The following POLR1E variants were observed in gnomAD, a reference collection of about 807,000 sequenced individuals.
POLR1E encodes DNA-directed RNA polymerase I subunit RPA49.
Under a neutral mutation model 50.9 loss-of-function variants are expected in POLR1E, and 37 were observed. The observed-to-expected ratio is 0.73, with a 90% CI of 0.56 to 0.96. The LOEUF is 0.96. POLR1E is among the 40% of genes least tolerant of loss of function. POLR1E has a pLI of 0.00. For synonymous variants in POLR1E, 166 were observed against 191.6 expected (o/e 0.87, Z 1.10); for missense variants, 426 against 518.1 (o/e 0.82, Z 1.73).
intron 8 of POLR1E, among the ~76,000 whole-genome samples, chr9:37,496,784 CCTT>C (rs1414617359): frequency 6.6e-6 from 1 of 152,016 alleles, no homozygotes; most frequent in Non-Finnish European, 1.5e-5. Context: ...CCTTATCTTC[CCTT>C]CTTGAAGCCT....
In POLR1E at chr9:37,485,999, T is replaced by G; in HGVS notation, c.-49T>G. ...GCTCCCGCGTGTTTAAAAGTGCGCT[T>G]GTGGCTGCTGCTGTCTTAACTCCTG... On this transcript the variant is annotated 5_prime_UTR_variant, in exon 1 of 12. Coordinates refer to ENST00000377798, the MANE Select transcript of POLR1E (RefSeq NM_022490.4). 2 of 1,572,240 alleles carry G rather than the reference T, an allele frequency of 1.3e-6. No individual in the cohort carries two copies. Among genetic ancestry groups the G allele is most frequent in the Non-Finnish European group, 1.7e-6 (2 of 1,159,688 alleles).
chr9:37,496,358 A>G (rs537883185), intron 8 of POLR1E, among the ~76,000 whole-genome samples: 1 of 152,290 alleles, frequency 6.6e-6, no homozygotes, highest in East Asian at 1.9e-4. Flanking sequence ...CTGTGATGAT[A>G]TGGTAGGCAA....
At chr9:37,486,548 G>C (rs184493927) in intron 1 of POLR1E, 155 bp from the exon 2 acceptor site, 3 of 1,585,170 alleles carry the variant, frequency 1.9e-6, no homozygotes, top group Non-Finnish European at 2.6e-6. Context: ...AGCTGGCCCC[G>C]GATCTCCTCC....
At chr9:37,492,210 A>T (rs1353782266) in intron 4 of POLR1E, 2 of 1,262,888 alleles carry the variant, frequency 1.6e-6, no homozygotes, top group Non-Finnish European at 2.1e-6. Context: ...TACTGCCCTT[A>T]TTTGAGTACT....
intron 7 of POLR1E, 44 bp downstream of exon 7, chr9:37,495,320 A>G: frequency 6.7e-7 from 1 of 1,491,796 alleles, no homozygotes. Context: ...TCACAAGTTG[A>G]GATGTTTGCA....
chr9:37,487,927 A>G lies in POLR1E; in HGVS notation c.245A>G (p.Asn82Ser), dbSNP rs1196674479. ...TTTGGGACTGGAGCCCTCAAATGCAACACTTTGTGCAGGTAATGGCAGGGG... is the reference window on the plus strand; with the variant it reads ...TTTGGGACTGGAGCCCTCAAATGCAGCACTTTGTGCAGGTAATGGCAGGGG... The part of the protein sequence containing the change: ...NNFGTGALKC[N>S]TLCRHFVGIL... Residue 82 changes from asparagine (N) to serine (S), a missense_variant, in exon 3 of 12, where the codon AAC becomes AGC. By Grantham distance (46) the Asn-to-Ser change is conservative. Coordinates refer to ENST00000377798, the MANE Select transcript of POLR1E (RefSeq NM_022490.4). The G allele has an allele frequency of 1.9e-6, 3 of 1,614,000 alleles. No homozygotes were observed. In the African/African-American group the frequency reaches 4.0e-5, roughly 22 times the overall value.
In POLR1E at chr9:37,496,065, T is replaced by C. The variant is rs1248105358; in HGVS notation, c.752+79T>C. 3 of 1,014,982 alleles carry C rather than the reference T, an allele frequency of 3.0e-6. No homozygotes were observed. In the East Asian group the frequency reaches 7.3e-5, roughly 25 times the overall value. The allele number at this position is 1,014,982 out of a possible 1,614,324, so 62.9% of individuals were successfully genotyped here. ...GTAGTCAGACACTGTGCAGGTCCTC[T>C]GGGCGTCAGTCAGTGAGGAAGTGTG... On this transcript the variant is annotated intron_variant, in intron 8 of 11. Coordinates refer to ENST00000377798, the MANE Select transcript of POLR1E (RefSeq NM_022490.4).
intron 6 of POLR1E, 70 bp from the exon 7 acceptor site, chr9:37,495,099 C>G: frequency 7.5e-7 from 1 of 1,325,668 alleles, no homozygotes; most frequent in Admixed American, 1.7e-5. Flanking sequence ...CTGAAGTGCA[C>G]AGACTGAAAA....
At chr9:37,488,271 A>G (rs895812319) in intron 3 of POLR1E, among the ~76,000 whole-genome samples, 2 of 152,202 alleles carry the variant, frequency 1.3e-5, no homozygotes, top group Non-Finnish European at 2.9e-5. Context: ...GGAACTAACG[A>G]CAGGTAAAGA....
At chr9:37,492,317 A>G in intron 4 of POLR1E, 1 of 1,304,260 alleles carries the variant, frequency 7.7e-7, no homozygotes, top group Non-Finnish European at 1.0e-6. Flanking sequence ...TTTTCTGGAA[A>G]GAGCCAAGGA....
At chr9:37,496,633 T>C (rs994272094) in intron 8 of POLR1E, among the ~76,000 whole-genome samples, 2 of 149,898 alleles carry the variant, frequency 1.3e-5, no homozygotes, top group Non-Finnish European at 3.0e-5. Context: ...CTTTTTTTTT[T>C]TTTTTTTTTG....
intron 2 of POLR1E, 95 bp downstream of exon 2, chr9:37,486,901 G>A: frequency 1.4e-6 from 2 of 1,437,340 alleles, no homozygotes; most frequent in Non-Finnish European, 1.9e-6. Context: ...GAGAAAAAGG[G>A]GAGTAGTAGC....
Position 37,503,430 on chromosome 9 carries a change from GAGTC to G in POLR1E, c.*231_*234del, listed in dbSNP as rs939615548. On this transcript the variant is annotated 3_prime_UTR_variant, in exon 12 of 12. Transcript: ENST00000377798. ...CATCTCTACCGGAGGAAAAAAAAAAGAGTCAGGCCTGGTGGTGTGCGCCTGTAAT... is the reference window on the plus strand; with the variant it reads ...CATCTCTACCGGAGGAAAAAAAAAAGAGGCCTGGTGGTGTGCGCCTGTAAT... 2.6e-6 allele frequency: 1 copy of G among 389,672 alleles called. No homozygotes were observed. Among genetic ancestry groups the G allele is most frequent in the African/African-American group, 2.1e-5 (1 of 48,610 alleles). 24.1% of individuals were successfully genotyped at this position (389,672 alleles called of 1,614,324 possible).
At chr9:37,494,800 ATG>A (rs1820754642) in intron 6 of POLR1E, among the ~76,000 whole-genome samples, 1 of 152,170 alleles carries the variant, frequency 6.6e-6, no homozygotes, top group South Asian at 2.1e-4. Flanking sequence ...TCCACCTACA[ATG>A]TGTGGCAAGT....
chr9:37,495,298 AG>A (rs774151197), intron 7 of POLR1E, 22 bp downstream of exon 7: 1 of 1,577,786 alleles, frequency 6.3e-7, no homozygotes, highest in Non-Finnish European at 8.7e-7. Context: ...GCAGTAGAAA[AG>A]CTGCCTTATT....
rs1034915255 is a variant in POLR1E at position 37,498,083 on chromosome 9, T to C, written c.753-8T>C. The C allele has an allele frequency of 3.1e-6, 5 of 1,610,150 alleles. No homozygotes were observed. Among genetic ancestry groups the C allele is most frequent in the Middle Eastern group, 1.7e-4 (1 of 6,050 alleles). The stretch of plus-strand genomic sequence containing the variant: ...GACACAGGCCTCCTTTTCTTTTCCT[T>C]GTTTTAGCCATTGCACCTTTGTCAT... On this transcript the variant is annotated splice_polypyrimidine_tract_variant and splice_region_variant and intron_variant, in intron 8 of 11. Transcript: ENST00000377798.
chr9:37,498,868 G>T (rs936586229), intron 9 of POLR1E, among the ~76,000 whole-genome samples: 1 of 152,184 alleles, frequency 6.6e-6, no homozygotes, highest in Non-Finnish European at 1.5e-5. Context: ...GTATAGTCAT[G>T]TGTCGCTTAA....
intron 9 of POLR1E, among the ~76,000 whole-genome samples, chr9:37,499,563 G>A (rs113735547): frequency 0.22 from 32,752 of 151,712 alleles, 3,701 homozygotes; most frequent in East Asian, 0.26. Context: ...ACAGTATCTC[G>A]CTCTGTCACC....
intron 9 of POLR1E, among the ~76,000 whole-genome samples, 169 bp downstream of exon 9, chr9:37,498,393 C>A (rs1588805736): frequency 6.6e-6 from 1 of 152,300 alleles, no homozygotes; most frequent in East Asian, 1.9e-4. Flanking sequence ...ACTTGCCAGG[C>A]CCCTTTTTCT....
Sources: gnomAD v4.1 joint callset for allele counts (sites outside exome capture counted in the v4.1 genomes callset) on GRCh38, gnomAD v4.1.1 for gene constraint, MANE v1.5 for transcripts, NCBI Gene and HGNC (gene_info 2026-07-23, HGNC 2026-07-21) for gene names.